JKAMP: variants seen among roughly 807,000 people sequenced by gnomAD.
JKAMP encodes the protein JNK1/MAPK8-associated membrane protein.
Under a neutral mutation model 40.2 loss-of-function variants are expected in JKAMP, and 20 were observed. The observed-to-expected ratio is 0.50, with a 90% CI of 0.35 to 0.72. The LOEUF (loss-of-function observed/expected upper bound fraction) is 0.72, where lower values mean the gene tolerates loss of function less well. Ranked by LOEUF, JKAMP falls within the 30% of genes least tolerant of loss-of-function variation. JKAMP has a pLI of 0.01. For missense variants in JKAMP, 276 were observed against 373.0 expected (o/e 0.74, Z 2.14); for synonymous variants, 138 against 131.6 (o/e 1.05, Z -0.33).
intron 3 of JKAMP, among the ~76,000 whole-genome samples, chr14:59,490,985 G>C (rs1890949857): frequency 1.3e-5 from 2 of 152,196 alleles, no homozygotes; most frequent in South Asian, 4.1e-4. Context: ...GCTCAGACAG[G>C]AAAGGAGGTG....
intron 3 of JKAMP, among the ~76,000 whole-genome samples, chr14:59,491,059 G>A (rs1890959801): frequency 6.6e-6 from 1 of 152,204 alleles, no homozygotes; most frequent in African/African-American, 2.4e-5. Context: ...AGGACCACAA[G>A]GGCCATCTCT....
intron 5 of JKAMP, 89 bp downstream of exon 5, chr14:59,498,997 A>G (rs1381868079): frequency 2.0e-6 from 1 of 492,848 alleles, no homozygotes; most frequent in Non-Finnish European, 3.2e-6. Flanking sequence ...ATTTTTCCTT[A>G]AGATAGTTTG....
chr14:59,498,205 G>C (rs1013235089), intron 4 of JKAMP, among the ~76,000 whole-genome samples: 1 of 152,072 alleles, frequency 6.6e-6, no homozygotes, highest in South Asian at 2.1e-4. Context: ...GAATATTAAG[G>C]CTATACTATG....
At chr14:59,494,665 G>A (rs1891300437) in intron 3 of JKAMP, among the ~76,000 whole-genome samples, 1 of 152,170 alleles carries the variant, frequency 6.6e-6, no homozygotes. Context: ...TATTGGGTAG[G>A]AGATGAGCTT....
intron 4 of JKAMP, among the ~76,000 whole-genome samples, chr14:59,496,205 C>G (rs1380365932): frequency 6.6e-6 from 1 of 151,920 alleles, no homozygotes; most frequent in Non-Finnish European, 1.5e-5. Context: ...TGTGCCCGGC[C>G]TCTCCCTGCC....
At chr14:59,492,239 T>C (rs1219577168) in intron 3 of JKAMP, among the ~76,000 whole-genome samples, 1 of 151,798 alleles carries the variant, frequency 6.6e-6, no homozygotes, top group Non-Finnish European at 1.5e-5. Flanking sequence ...AATGAAAGTT[T>C]ATACTTGCCA....
At chr14:59,485,335 G>T (rs1890457902) in intron 1 of JKAMP, 15 of 435,120 alleles carry the variant, frequency 3.4e-5, no homozygotes, top group East Asian at 8.1e-5. Flanking sequence ...ATTACAATTG[G>T]TTACAAAAAA....
intron 4 of JKAMP, among the ~76,000 whole-genome samples, chr14:59,495,768 A>G (rs1891396053): frequency 6.6e-6 from 1 of 152,230 alleles, no homozygotes; most frequent in Non-Finnish European, 1.5e-5. Flanking sequence ...GGCTTTCAGT[A>G]CATAATATGC....
chr14:59,499,243 A>T (rs897461751), intron 5 of JKAMP, among the ~76,000 whole-genome samples: 1 of 151,298 alleles, frequency 6.6e-6, no homozygotes, highest in Non-Finnish European at 1.5e-5. Context: ...GGCCACATTG[A>T]TCTCGATCTC....
At chr14:59,489,314 C>T (rs770646365) in intron 3 of JKAMP, among the ~76,000 whole-genome samples, 1 of 152,310 alleles carries the variant, frequency 6.6e-6, no homozygotes, top group Non-Finnish European at 1.5e-5. Flanking sequence ...CACTAGATAC[C>T]CTAAGTCATC....
chr14:59,495,987 T>C (rs1891412674), intron 4 of JKAMP, among the ~76,000 whole-genome samples: 1 of 152,248 alleles, frequency 6.6e-6, no homozygotes, highest in South Asian at 2.1e-4. Context: ...CACTGCAACC[T>C]CTGCCTTCTG....
At chr14:59,492,402 G>T (rs756624523) in intron 3 of JKAMP, among the ~76,000 whole-genome samples, 12 of 152,136 alleles carry the variant, frequency 7.9e-5, no homozygotes, top group South Asian at 4.1e-4. Context: ...GGTAGGTGTG[G>T]GAGTGGTCCA....
In JKAMP at chr14:59,504,837, T is replaced by C. The variant is rs1892227976; in HGVS notation, c.*765T>C. Reference sequence around the variant, plus strand: ...TATTTTATTGATCCAGAGATACTTATTTCACTTTGTGACATCTCTGAATTA... The same window carrying C: ...TATTTTATTGATCCAGAGATACTTACTTCACTTTGTGACATCTCTGAATTA... On this transcript the variant is annotated 3_prime_UTR_variant, in exon 7 of 7. Transcript: ENST00000616435. 6.5e-6 allele frequency: 1 copy of C among 154,434 alleles called. No homozygotes were observed. 9.6% of individuals were successfully genotyped at this position (154,434 alleles called of 1,614,324 possible).
intron 1 of JKAMP, chr14:59,484,977 A>G (rs1398365777): frequency 6.4e-7 from 1 of 1,565,970 alleles, no homozygotes; most frequent in Non-Finnish European, 8.6e-7. Flanking sequence ...TACTGCTTCA[A>G]CCTCAAACGT....
At chr14:59,503,796 AG>A in intron 6 of JKAMP, 57 bp from the exon 7 acceptor site, 1 of 1,006,432 alleles carries the variant, frequency 9.9e-7, no homozygotes, top group Non-Finnish European at 1.5e-6. Flanking sequence ...TAAATTACCC[AG>A]CTGACTTAGC....
intron 1 of JKAMP, chr14:59,484,925 GA>G: frequency 6.8e-7 from 1 of 1,462,762 alleles, no homozygotes. Context: ...TGATAGTGCA[GA>G]AAAAACAGTA....
Position 59,504,379 on chromosome 14 carries a change from T to C in JKAMP, c.*307T>C, listed in dbSNP as rs191765033. Reference sequence around the variant, plus strand: ...AATCATGTTTCTGTGTACCTAGCAATGTGTTCCCATTTTATTAAGAAAAGC... The same window carrying C: ...AATCATGTTTCTGTGTACCTAGCAACGTGTTCCCATTTTATTAAGAAAAGC... On this transcript the variant is annotated 3_prime_UTR_variant, in exon 7 of 7. Coordinates refer to ENST00000616435, the MANE Select transcript of JKAMP (RefSeq NM_016475.5). 50 of 291,362 alleles carry C rather than the reference T, an allele frequency of 1.7e-4. No homozygotes were observed. Among genetic ancestry groups the C allele is most frequent in the Non-Finnish European group, 2.9e-4 (46 of 156,920 alleles). 18.0% of individuals were successfully genotyped at this position (291,362 alleles called of 1,614,324 possible).
chr14:59,498,802 G>T lies in JKAMP; in HGVS notation c.534G>T (p.Lys178Asn). 1 of 1,610,352 alleles carries T rather than the reference G, an allele frequency of 6.2e-7. No homozygotes were observed. ...TGCTCCGACCTCTTCTGGTGAAGAA[G>T]ATTGCATGTGGGTTAGGGAAATCTG... is the stretch of plus-strand genomic sequence containing the variant. ...MMLLRPLLVKKIACGLGKSDR... is the reference protein window; with the variant it reads ...MMLLRPLLVKNIACGLGKSDR... Residue 178 changes from lysine to asparagine, a missense_variant, in exon 5 of 7, where the codon AAG becomes AAT. Transcript: ENST00000616435.
chr14:59,494,643 C>T, intron 3 of JKAMP, among the ~76,000 whole-genome samples: 1 of 152,170 alleles, frequency 6.6e-6, no homozygotes, highest in East Asian at 1.9e-4. Context: ...AAATTGTTGA[C>T]AGTGTTCTAG....
Sources: allele counts gnomAD v4.1 joint callset (sites outside exome capture counted in the v4.1 genomes callset), GRCh38; gene constraint gnomAD v4.1.1; transcripts MANE v1.5; gene names NCBI Gene and HGNC (gene_info 2026-07-23, HGNC 2026-07-21).